Variants in SLC4A10 observed in about 807,000 individuals in gnomAD.
SLC4A10 encodes sodium-driven chloride bicarbonate exchanger.
A neutral mutation model predicts 137.7 loss-of-function variants in SLC4A10; 42 were observed. That is an observed-to-expected ratio of 0.30 (90% CI 0.24 to 0.39). The LOEUF is 0.39. Ranked by LOEUF, SLC4A10 falls within the 10% of genes least tolerant of loss-of-function variation. SLC4A10 has a pLI of 1.00. For missense variants in SLC4A10, 925 were observed against 1,355.0 expected (o/e 0.68, Z 4.98); for synonymous variants, 474 against 464.1 (o/e 1.02, Z -0.27).
intron 16 of SLC4A10, among the ~76,000 whole-genome samples, chr2:161,946,779 G>A (rs1377371548): frequency 6.6e-6 from 1 of 151,994 alleles, no homozygotes; most frequent in Admixed American, 6.6e-5. Flanking sequence ...CAGAACTACA[G>A]TTGCAGAAGA....
At chr2:161,917,579 A>G (rs1480893675) in intron 15 of SLC4A10, among the ~76,000 whole-genome samples, 1 of 149,964 alleles carries the variant, frequency 6.7e-6, no homozygotes, top group Non-Finnish European at 1.5e-5. Flanking sequence ...CCCTGTCTAA[A>G]AAAAAAAAAA....
chr2:161,975,575 A>G (rs1699256965), intron 24 of SLC4A10, among the ~76,000 whole-genome samples: 1 of 152,178 alleles, frequency 6.6e-6, no homozygotes, highest in South Asian at 2.1e-4. Flanking sequence ...CCAGGAAACT[A>G]TCTTTCTAGG....
At chr2:161,757,435 A>G (rs1007422588) in intron 1 of SLC4A10, among the ~76,000 whole-genome samples, 2 of 152,194 alleles carry the variant, frequency 1.3e-5, no homozygotes, top group African/African-American at 4.8e-5. Flanking sequence ...GGATTAAATA[A>G]GATAAAGTAT....
At chr2:161,875,898 C>T (rs752274212) in intron 8 of SLC4A10, among the ~76,000 whole-genome samples, 1 of 152,178 alleles carries the variant, frequency 6.6e-6, no homozygotes. Context: ...CCCAGAGAAT[C>T]CCTATGAAGT....
intron 1 of SLC4A10, among the ~76,000 whole-genome samples, chr2:161,628,464 G>T (rs1345694317): frequency 6.6e-6 from 1 of 151,990 alleles, no homozygotes; most frequent in East Asian, 1.9e-4. Flanking sequence ...AAGTGGCCCA[G>T]TTTATTGAAT....
At chr2:161,641,683 TCC>T (rs2035345272) in intron 1 of SLC4A10, among the ~76,000 whole-genome samples, 1 of 152,060 alleles carries the variant, frequency 6.6e-6, no homozygotes, top group East Asian at 1.9e-4. Flanking sequence ...CTGACATCAG[TCC>T]TCTTAGCCTG....
chr2:161,696,400 A>G (rs934355797), intron 1 of SLC4A10, among the ~76,000 whole-genome samples: 5 of 147,516 alleles, frequency 3.4e-5, no homozygotes, highest in African/African-American at 1.3e-4. Context: ...GGTGTGCTGC[A>G]CCCATTAACT....
Position 161,842,485 on chromosome 2 carries a change from C to A in SLC4A10, c.416+2558C>A, listed in dbSNP as rs1170744695. ...ATTTTTTTCATGTGAACGAACTATT[C>A]ATTTCCTTTATTTATTTTATATAAA... On this transcript the variant is annotated intron_variant, in intron 4 of 26. Transcript: ENST00000446997. Among the ~76,000 whole-genome samples, 10 of 151,802 alleles carry A rather than the reference C, an allele frequency of 6.6e-5. 1 individual carries two copies. Among genetic ancestry groups the A allele is most frequent in the Non-Finnish European group, 1.5e-5 (1 of 67,906 alleles).
chr2:161,669,542 T>C (rs949195593), intron 1 of SLC4A10, among the ~76,000 whole-genome samples: 1 of 152,002 alleles, frequency 6.6e-6, no homozygotes, highest in African/African-American at 2.4e-5. Context: ...CAAATACTAT[T>C]ATATAAATTG....
At chr2:161,981,218 A>G (rs1243289198) in intron 26 of SLC4A10, among the ~76,000 whole-genome samples, 1 of 152,238 alleles carries the variant, frequency 6.6e-6, no homozygotes, top group Non-Finnish European at 1.5e-5. Context: ...CATTTATCAA[A>G]AGGTTATGGA....
At chr2:161,663,309 A>G (rs1356101049) in intron 1 of SLC4A10, among the ~76,000 whole-genome samples, 11 of 151,918 alleles carry the variant, frequency 7.2e-5, no homozygotes, top group Admixed American at 7.2e-4. Flanking sequence ...AGTGAAGAAT[A>G]TGTTTCTTTT....
intron 8 of SLC4A10, among the ~76,000 whole-genome samples, chr2:161,875,966 G>A (rs951693976): frequency 6.6e-6 from 1 of 152,096 alleles, no homozygotes; most frequent in African/African-American, 2.4e-5. Context: ...ATTTCCATCT[G>A]TTTTTCCTTT....
chr2:161,973,083 A>C (rs1311807032), intron 23 of SLC4A10, among the ~76,000 whole-genome samples: 1 of 152,184 alleles, frequency 6.6e-6, no homozygotes, highest in Non-Finnish European at 1.5e-5. Context: ...AAGCTGGGTC[A>C]GGCCAGCTTA....
At chr2:161,868,005 AGTTTCCTTCTAGTGCAC>A (rs774039493) in intron 6 of SLC4A10, among the ~76,000 whole-genome samples, 6 of 151,888 alleles carry the variant, frequency 4.0e-5, no homozygotes, top group Non-Finnish European at 8.8e-5. Flanking sequence ...TCTTCATCCC[AGTTTCCTTCTAGTGCAC>A]GTGATTTACA....
intron 1 of SLC4A10, among the ~76,000 whole-genome samples, chr2:161,630,792 G>A (rs1031227658): frequency 6.6e-6 from 1 of 151,708 alleles, no homozygotes; most frequent in African/African-American, 2.4e-5. Flanking sequence ...CTGAAAAGTT[G>A]CTAATGTTTT....
intron 15 of SLC4A10, among the ~76,000 whole-genome samples, chr2:161,929,304 AT>A (rs1689875256): frequency 6.6e-6 from 1 of 152,222 alleles, no homozygotes; most frequent in Admixed American, 6.5e-5. Flanking sequence ...AATTATTTGA[AT>A]TCATGACAAT....
At chr2:161,686,614 T>C (rs2041433297) in intron 1 of SLC4A10, among the ~76,000 whole-genome samples, 1 of 152,058 alleles carries the variant, frequency 6.6e-6, no homozygotes, top group Non-Finnish European at 1.5e-5. Context: ...TATATAGGAG[T>C]TATATTACAA....
chr2:161,692,467 T>TA (rs1317635323), intron 1 of SLC4A10, among the ~76,000 whole-genome samples: 1 of 152,094 alleles, frequency 6.6e-6, no homozygotes, highest in Non-Finnish European at 1.5e-5. Context: ...ATAAGGTAGT[T>TA]AGTGTTCCTT....
At chr2:161,846,436 A>G (rs1005294041) in intron 4 of SLC4A10, among the ~76,000 whole-genome samples, 6 of 152,182 alleles carry the variant, frequency 3.9e-5, no homozygotes, top group African/African-American at 7.2e-5. Flanking sequence ...AAAACTAAAC[A>G]TGCATTTACT....
Sources: gnomAD v4.1 joint callset for allele counts (sites outside exome capture counted in the v4.1 genomes callset) on GRCh38, gnomAD v4.1.1 for gene constraint, MANE v1.5 for transcripts, NCBI Gene and HGNC (gene_info 2026-07-23, HGNC 2026-07-21) for gene names.